SLC8A1: variants seen among roughly 807,000 people sequenced by gnomAD.
SLC8A1 encodes solute carrier family 8 member A1.
SLC8A1 carries 18 observed loss-of-function variants against 68.3 expected under a neutral mutation model. The observed-to-expected ratio is 0.26, with a 90% CI of 0.18 to 0.39. SLC8A1 has a LOEUF of 0.39. SLC8A1 is among the 10% of genes least tolerant of loss of function. SLC8A1 has a pLI of 1.00. For synonymous variants in SLC8A1, 475 were observed against 415.5 expected (o/e 1.14, Z -1.74); for missense variants, 985 against 1,156.7 (o/e 0.85, Z 2.15).
At chr2:40,440,606 AC>A (rs1347147805) in intron 1 of SLC8A1, among the ~76,000 whole-genome samples, 3 of 152,158 alleles carry the variant, frequency 2.0e-5, no homozygotes, top group Non-Finnish European at 4.4e-5. Context: ...AAGACAGATG[AC>A]AGATGTTCAT....
At chr2:40,187,803 A>G (rs901186471) in intron 2 of SLC8A1, among the ~76,000 whole-genome samples, 8 of 152,208 alleles carry the variant, frequency 5.3e-5, no homozygotes, top group African/African-American at 1.4e-4. Flanking sequence ...TAGTATCCCC[A>G]CAATGTTCTA....
intron 2 of SLC8A1, among the ~76,000 whole-genome samples, chr2:40,193,513 T>C (rs958923266): frequency 1.3e-5 from 2 of 152,222 alleles, no homozygotes; most frequent in Non-Finnish European, 1.5e-5. Flanking sequence ...TGGAAAGGCA[T>C]GGCATGTTTA....
intron 2 of SLC8A1, among the ~76,000 whole-genome samples, chr2:40,178,115 G>A (rs2048802719): frequency 6.6e-6 from 1 of 152,200 alleles, no homozygotes; most frequent in African/African-American, 2.4e-5. Context: ...ATTTTGGCAT[G>A]GCATTGCATG....
intron 2 of SLC8A1, among the ~76,000 whole-genome samples, chr2:40,274,563 C>A (rs996133806): frequency 6.6e-6 from 1 of 152,160 alleles, no homozygotes; most frequent in Non-Finnish European, 1.5e-5. Flanking sequence ...TGCTCATTAA[C>A]AGACATTTTG....
chr2:40,227,414 G>T (rs537390831), intron 2 of SLC8A1, among the ~76,000 whole-genome samples: 65 of 151,878 alleles, frequency 4.3e-4, no homozygotes, highest in Non-Finnish European at 8.7e-4. Flanking sequence ...CACATCCTTT[G>T]CAGGGACACG....
At chr2:40,186,985 G>A (rs1272801831) in intron 2 of SLC8A1, among the ~76,000 whole-genome samples, 6 of 152,200 alleles carry the variant, frequency 3.9e-5, no homozygotes, top group Non-Finnish European at 7.3e-5. Flanking sequence ...ATTCTTATTA[G>A]TTGAAAAGGA....
At chr2:40,400,743 G>A (rs1281752412) in intron 2 of SLC8A1, among the ~76,000 whole-genome samples, 2 of 152,168 alleles carry the variant, frequency 1.3e-5, no homozygotes, top group African/African-American at 2.4e-5. Flanking sequence ...ATGGGGGTAG[G>A]AGAGGGCTCT....
intron 2 of SLC8A1, among the ~76,000 whole-genome samples, chr2:40,384,149 A>G (rs1036846914): frequency 6.6e-6 from 1 of 151,884 alleles, no homozygotes; most frequent in Non-Finnish European, 1.5e-5. Flanking sequence ...CCAGCTACTC[A>G]GGAGGCTGAC....
At chr2:40,302,031 C>CTGTGTGTGTGTG (rs374407377) in intron 2 of SLC8A1, among the ~76,000 whole-genome samples, 3,252 of 132,268 alleles carry the variant, frequency 0.025, 96 homozygotes, top group Admixed American at 0.054. Flanking sequence ...CCGGGCTAAT[C>CTGTGTGTGTGTG]TGTGTGTGTG....
chr2:40,253,152 TAC>T (rs1453259430), intron 2 of SLC8A1, among the ~76,000 whole-genome samples: 4 of 123,078 alleles, frequency 3.2e-5, no homozygotes, highest in Non-Finnish European at 4.9e-5. Context: ...TGTATATACA[TAC>T]ATATATATGT....
At chr2:40,371,643 G>C (rs546500416) in intron 2 of SLC8A1, among the ~76,000 whole-genome samples, 10 of 152,226 alleles carry the variant, frequency 6.6e-5, no homozygotes, top group African/African-American at 2.2e-4. Flanking sequence ...GCTATTATGA[G>C]ATTTTATCTG....
chr2:40,239,226 C>A (rs1199464579), intron 2 of SLC8A1, among the ~76,000 whole-genome samples: 1 of 152,088 alleles, frequency 6.6e-6, no homozygotes, highest in East Asian at 1.9e-4. Flanking sequence ...GAACACAGTA[C>A]CCCAATTCTA....
At position 40,332,175 on chromosome 2, in the gene SLC8A1, G is replaced by C. The variant is rs187607064; in HGVS notation, c.1808+96298C>G. Among the ~76,000 whole-genome samples the C allele has an allele frequency of 2.6e-5, 4 of 152,232 alleles. No homozygotes were observed. The East Asian group carries it at 7.8e-4, about 30-fold the overall frequency. ...GTGTAGTGACTTGGCAACACCGTAAGTATTTTATTTCTAAACTTTGAATGC... is the reference window on the plus strand; with the variant it reads ...GTGTAGTGACTTGGCAACACCGTAACTATTTTATTTCTAAACTTTGAATGC... On this transcript the variant is annotated intron_variant, in intron 2 of 7. Coordinates refer to ENST00000406785, the Ensembl canonical transcript of SLC8A1.
At chr2:40,134,714 C>A (rs1197302448) in intron 7 of SLC8A1, among the ~76,000 whole-genome samples, 1 of 152,082 alleles carries the variant, frequency 6.6e-6, no homozygotes, top group Non-Finnish European at 1.5e-5. Context: ...CTGATTGAAC[C>A]AACTTGTACT....
chr2:40,484,781 G>C (rs1278924031), intron 1 of SLC8A1, among the ~76,000 whole-genome samples: 2 of 152,204 alleles, frequency 1.3e-5, no homozygotes, highest in East Asian at 1.9e-4. Context: ...TTTTGGACTA[G>C]ATGTGGACCA....
intron 2 of SLC8A1, among the ~76,000 whole-genome samples, chr2:40,246,022 C>T (rs367561464): frequency 2.0e-5 from 3 of 152,198 alleles, no homozygotes; most frequent in Admixed American, 6.5e-5. Context: ...TGCCATATGA[C>T]CTGTCTTAGA....
intron 2 of SLC8A1, among the ~76,000 whole-genome samples, chr2:40,384,930 G>A (rs886381222): frequency 2.6e-5 from 4 of 152,076 alleles, no homozygotes; most frequent in Non-Finnish European, 4.4e-5. Flanking sequence ...CACAAGGATT[G>A]CATAATCAAG....
intron 2 of SLC8A1, among the ~76,000 whole-genome samples, chr2:40,362,258 T>C (rs1186513592): frequency 3.3e-5 from 5 of 151,634 alleles, no homozygotes; most frequent in Admixed American, 2.6e-4. Context: ...TTCTGTCTAA[T>C]AGGTACTGGA....
At chr2:40,177,318 C>G (rs890169510) in intron 3 of SLC8A1, among the ~76,000 whole-genome samples, 16 of 152,122 alleles carry the variant, frequency 1.1e-4, no homozygotes, top group Admixed American at 6.6e-5. Context: ...TTAGGGTCAT[C>G]TACTAATACT....
Sources: gnomAD v4.1 joint callset for allele counts (sites outside exome capture counted in the v4.1 genomes callset) on GRCh38, gnomAD v4.1.1 for gene constraint, MANE v1.5 for transcripts, NCBI Gene and HGNC (gene_info 2026-07-23, HGNC 2026-07-21) for gene names.